Variants in FRY observed in about 807,000 individuals in gnomAD.
The protein encoded by FRY is FRY microtubule binding protein, also known as protein furry homolog.
In FRY, 128 loss-of-function variants were observed where a neutral mutation model predicts 348.4. That is an observed-to-expected ratio of 0.37 (90% CI 0.32 to 0.43). FRY has a LOEUF of 0.43. FRY is among the 20% of genes least tolerant of loss of function. The probability of loss-of-function intolerance (pLI) is 1.00; values close to 1 mark genes in which losing one functional copy is unlikely to be tolerated. For synonymous variants in FRY, 1,370 were observed against 1,374.7 expected (o/e 1.00, Z 0.08); for missense variants, 2,736 against 3,695.2 (o/e 0.74, Z 6.73).
chr13:32,178,670 A>T (rs903800920), intron 21 of FRY, among the ~76,000 whole-genome samples, 174 bp from the exon 22 acceptor site: 1 of 152,248 alleles, frequency 6.6e-6, no homozygotes, highest in African/African-American at 2.4e-5. Flanking sequence ...ATGGTAAAAG[A>T]TACTTTAAAG....
chr13:32,135,047 T>C (rs2138774636), intron 9 of FRY, 38 bp from the exon 10 acceptor site: 2 of 1,548,520 alleles, frequency 1.3e-6, no homozygotes, highest in Admixed American at 3.3e-5. Flanking sequence ...AAATCAACAA[T>C]TTTATTAATA....
chr13:32,048,518 T>G (rs1873147267), intron 1 of FRY, among the ~76,000 whole-genome samples: 2 of 152,250 alleles, frequency 1.3e-5, no homozygotes. Flanking sequence ...AGAAATTGTT[T>G]GTTTATTTTT....
chr13:32,234,718 C>T lies in FRY; in HGVS notation c.5672C>T (p.Ser1891Leu). ...LSAHALSDLLSRLVEVIGEHG... is the reference protein window; with the variant it reads ...LSAHALSDLLLRLVEVIGEHG... ...GCACATGCCTTATCTGACCTTCTCT[C>T]AAGATTGGTGGAGGTGATAGGAGAA... is the stretch of plus-strand genomic sequence containing the variant. The change falls in exon 42 of 61, where the codon TCA becomes TTA. Residue 1891 changes from serine to leucine, a missense_variant. Physicochemically the swap from Ser to Leu is moderately radical, Grantham distance 145. Around this residue, in one of 9 missense-constraint regions of FRY, gnomAD observed 794 missense variants for 977.0 expected, o/e 0.81. Coordinates refer to ENST00000542859, the MANE Select transcript of FRY (RefSeq NM_023037.3). 6.2e-7 allele frequency: 1 copy of T among 1,614,092 alleles called. No homozygotes were observed.
chr13:32,218,829 AAAGT>A lies in FRY; in HGVS notation c.4765+4_4765+7del, dbSNP rs750270654. 7.0e-6 allele frequency: 11 copies of A among 1,571,928 alleles called. No individual in the cohort carries two copies. The highest frequency in any genetic ancestry group is 9.6e-6 in the Non-Finnish European group (11 of 1,141,638). ...TCTGGAGGATCCTACGATGAAGATA[AAAGT>A]AAGTACCAACAGGCTGTGGGCTTTC... On this transcript the variant is annotated splice_donor_variant and coding_sequence_variant, in exon 36 of 61. Transcript: ENST00000542859. LOFTEE classifies it high-confidence loss of function.
chr13:32,038,687 AT>A (rs1872639454), intron 1 of FRY: 1 of 152,220 alleles, frequency 6.6e-6, no homozygotes, highest in African/African-American at 2.4e-5. Flanking sequence ...AAAAGGTTGC[AT>A]CTTCTAGGCT....
In FRY at chr13:32,202,405, G is replaced by C; in HGVS notation, c.3896G>C (p.Arg1299Thr). 6.2e-7 allele frequency: 1 copy of C among 1,614,042 alleles called. No individual in the cohort carries two copies. The highest frequency in any genetic ancestry group is 8.5e-7 in the Non-Finnish European group (1 of 1,179,988). Reference protein sequence around the residue: ...FVYSKKVAEQRPGSILYGTHG... With the variant: ...FVYSKKVAEQTPGSILYGTHG... Reference sequence around the variant, plus strand: ...TACTCAAAGAAAGTCGCTGAGCAAAGACCGGGAAGTATTCTCTATGGAACA... The same window carrying C: ...TACTCAAAGAAAGTCGCTGAGCAAACACCGGGAAGTATTCTCTATGGAACA... Residue 1299 changes from arginine to threonine, a missense_variant, in exon 31 of 61, where the codon AGA becomes ACA. Physicochemically the swap from Arg to Thr is moderately conservative, Grantham distance 71. Transcript: ENST00000542859.
rs753447527 is a variant in FRY at position 32,218,749 on chromosome 13, G to A, written c.4683G>A (p.Arg1561=). Residue 1561 remains arginine (R), a splice_region_variant and synonymous_variant, in exon 36 of 61, where the codon AGG becomes AGA. Coordinates refer to ENST00000542859, the MANE Select transcript of FRY (RefSeq NM_023037.3). ...ENKILKESDE[R]FSNVIRAHTR... is the part of the protein sequence containing the mutation. The stretch of plus-strand genomic sequence containing the variant: ...ATTCTGGTTGTTCTTGTATTTGAAG[G>A]TTTAGTAATGTCATCAGAGCCCACA... 1.9e-6 allele frequency: 3 copies of A among 1,562,888 alleles called. No homozygotes were observed. The highest frequency in any genetic ancestry group is 1.1e-5 in the South Asian group (1 of 90,060).
At chr13:32,228,418 G>A in intron 39 of FRY, 38 bp from the exon 40 acceptor site, 3 of 1,461,222 alleles carry the variant, frequency 2.1e-6, no homozygotes, top group Non-Finnish European at 2.9e-6. Context: ...CAAGCACACT[G>A]CCTAGTACAT....
chr13:32,035,599 C>G (rs1393523928), intron 1 of FRY, among the ~76,000 whole-genome samples: 1 of 152,186 alleles, frequency 6.6e-6, no homozygotes, highest in African/African-American at 2.4e-5. Flanking sequence ...GTCCTTGTGT[C>G]TCTGTCCACC....
At chr13:32,267,096 G>A (rs1007374512) in intron 54 of FRY, 74 bp from the exon 55 acceptor site, 25 of 1,378,544 alleles carry the variant, frequency 1.8e-5, no homozygotes, top group Non-Finnish European at 2.3e-5. Flanking sequence ...GACTCTCAGG[G>A]TGAGAATTTA....
chr13:32,275,221 A>G (rs1888469187), intron 56 of FRY: 2 of 264,372 alleles, frequency 7.6e-6, no homozygotes, highest in Admixed American at 9.5e-5. Flanking sequence ...TATTAAAAAT[A>G]CAAAAAAAAA....
At chr13:32,205,347 G>T (rs576143007) in intron 31 of FRY, among the ~76,000 whole-genome samples, 1 of 152,150 alleles carries the variant, frequency 6.6e-6, no homozygotes, top group South Asian at 2.1e-4. Context: ...TATCAGAAAA[G>T]AATTCCCAGA....
intron 55 of FRY, among the ~76,000 whole-genome samples, chr13:32,268,505 A>AAAAAAAAATATATATATATAT (rs1555273232): frequency 3.5e-5 from 1 of 28,306 alleles, no homozygotes; most frequent in African/African-American, 9.3e-5. Context: ...AAAAAAAAAA[A>AAAAAAAAATATATATATATAT]ATATATATAT....
chr13:32,188,677 C>A (rs1447879683), intron 28 of FRY, among the ~76,000 whole-genome samples: 1 of 152,126 alleles, frequency 6.6e-6, no homozygotes, highest in African/African-American at 2.4e-5. Flanking sequence ...GAATAGTCCA[C>A]TTTTGCTTTG....
At chr13:32,243,293 T>G (rs1193123251) in intron 46 of FRY, among the ~76,000 whole-genome samples, 1 of 152,260 alleles carries the variant, frequency 6.6e-6, no homozygotes, top group Non-Finnish European at 1.5e-5. Flanking sequence ...TGCTGTTAAC[T>G]TATATATCCA....
intron 2 of FRY, among the ~76,000 whole-genome samples, chr13:32,088,925 T>C (rs1876067223): frequency 6.6e-6 from 1 of 152,220 alleles, no homozygotes; most frequent in Admixed American, 6.5e-5. Flanking sequence ...CTTTGTACTA[T>C]TTACAAAGAC....
chr13:32,115,053 A>T (rs1297268539), intron 3 of FRY, among the ~76,000 whole-genome samples: 1 of 152,244 alleles, frequency 6.6e-6, no homozygotes, highest in East Asian at 1.9e-4. Flanking sequence ...ATATTAACTC[A>T]TAACTAAAGA....
At chr13:32,147,995 C>A in intron 13 of FRY, 48 bp downstream of exon 13, 1 of 1,023,308 alleles carries the variant, frequency 9.8e-7, no homozygotes, top group Non-Finnish European at 1.6e-6. Context: ...GGTTTTTCAG[C>A]AGCCAGCCTC....
chr13:32,171,437 A>T (rs778854125), intron 18 of FRY, among the ~76,000 whole-genome samples, 167 bp downstream of exon 18: 1 of 146,958 alleles, frequency 6.8e-6, no homozygotes, highest in African/African-American at 2.5e-5. Context: ...CAGCCTCCCG[A>T]GTAGCTGGGA....
Sources: gnomAD v4.1 joint callset for allele counts (sites outside exome capture counted in the v4.1 genomes callset) on GRCh38, gnomAD v4.1.1 for gene constraint, gnomAD v4.1.1 regional missense constraint, MANE v1.5 for transcripts, NCBI Gene and HGNC (gene_info 2026-07-23, HGNC 2026-07-21) for gene names.